MYBBP1A: variants seen among roughly 807,000 people sequenced by gnomAD.
MYBBP1A encodes MYB binding protein 1a.
Under a neutral mutation model 136.3 loss-of-function variants are expected in MYBBP1A, and 147 were observed. That is an observed-to-expected ratio of 1.08 (90% CI 0.94 to 1.24). The LOEUF (loss-of-function observed/expected upper bound fraction) is 1.24. Among genes scored for constraint, MYBBP1A ranks in the 50% most tolerant of loss-of-function variants. The pLI is 0.00. For synonymous variants in MYBBP1A, 947 were observed against 735.8 expected, an observed-to-expected ratio of 1.29 and a Z score of -4.65; for missense variants, 2,060 against 1,727.4, an observed-to-expected ratio of 1.19 and a Z score of -3.41.
intron 9 of MYBBP1A, among the ~76,000 whole-genome samples, 178 bp downstream of exon 9, chr17:4,549,880 C>T (rs1907349675): frequency 2.6e-5 from 4 of 151,984 alleles, no homozygotes; most frequent in African/African-American, 9.7e-5. Flanking sequence ...CCATCCCGAT[C>T]GCCAGTGTGG....
intron 2 of MYBBP1A, 92 bp downstream of exon 2, chr17:4,554,769 C>T (rs1172600114): frequency 1.4e-5 from 18 of 1,260,678 alleles, no homozygotes; most frequent in Non-Finnish European, 1.8e-5. Context: ...TCGGGCTGCC[C>T]CTCCGCCACA....
At position 4,545,104 on chromosome 17, in the gene MYBBP1A, C is replaced by T. The variant is rs1370026740; in HGVS notation, c.2232G>A (p.Glu744=). 2.5e-6 allele frequency: 4 copies of T among 1,603,536 alleles called. No individual in the cohort carries two copies. Among genetic ancestry groups the T allele is most frequent in the Non-Finnish European group, 3.4e-6 (4 of 1,175,338 alleles). Reference sequence around the variant, plus strand: ...CCACGTCCCCGTCGCGCTCCTCCTCCTCGCTCTCCTCCCCCTCGCTCTCCT... The same window carrying T: ...CCACGTCCCCGTCGCGCTCCTCCTCTTCGCTCTCCTCCCCCTCGCTCTCCT... The part of the protein sequence containing the change: ...SEEESEGEES[E]EEERDGDVDQ... Residue 744 remains glutamate, a synonymous_variant, in exon 17 of 26, where the codon GAG becomes GAA. Transcript: ENST00000254718.
rs767252345 is a variant in MYBBP1A, at chr17:4,555,358, T to A, written c.-34A>T. 2 of 1,568,226 alleles carry A rather than the reference T, an allele frequency of 1.3e-6. No individual in the cohort carries two copies. The highest frequency in any genetic ancestry group is 1.7e-6 in the Non-Finnish European group (2 of 1,156,776). On this transcript the variant is annotated 5_prime_UTR_variant, in exon 1 of 26. Transcript: ENST00000254718. ...CACTCACCGAAACACGAAACACGTGTGCTCCGGCCCCAGCCGCTTCCAGGT... is the reference window on the plus strand; with the variant it reads ...CACTCACCGAAACACGAAACACGTGAGCTCCGGCCCCAGCCGCTTCCAGGT...
intron 25 of MYBBP1A, 140 bp downstream of exon 25, chr17:4,540,208 G>T: frequency 1.6e-6 from 2 of 1,289,780 alleles, no homozygotes; most frequent in Non-Finnish European, 1.0e-6. Flanking sequence ...CTGAGAATGC[G>T]CTTGAGTGCA....
chr17:4,548,178 T>G lies in MYBBP1A; in HGVS notation c.1689A>C (p.Thr563=). ...LNHSHNVTTV[T]PFTAQQRQAW... is the part of the protein sequence containing the mutation. Reference sequence around the variant, plus strand: ...CCTGGCGCTGCTGCGCAGTGAAGGGTGTCACGGTGGTCACGTTGTGGCTGT... The same window carrying G: ...CCTGGCGCTGCTGCGCAGTGAAGGGGGTCACGGTGGTCACGTTGTGGCTGT... Residue 563 remains threonine (T), a synonymous_variant, in exon 12 of 26, where the codon ACA becomes ACC. Transcript: ENST00000254718. The surrounding 1 kb of genome is among the most constrained non-coding windows in gnomAD (Gnocchi z 4.2). The G allele has an allele frequency of 6.2e-7, 1 of 1,605,774 alleles. No individual in the cohort carries two copies. Among genetic ancestry groups the G allele is most frequent in the Non-Finnish European group, 8.5e-7 (1 of 1,179,974 alleles).
chr17:4,551,053 C>T (rs1364526055), intron 8 of MYBBP1A, among the ~76,000 whole-genome samples: 1 of 152,246 alleles, frequency 6.6e-6, no homozygotes, highest in African/African-American at 2.4e-5. Flanking sequence ...ATGATCATGG[C>T]TCACTGCAGC....
chr17:4,554,308 G>A, intron 2 of MYBBP1A, 30 bp from the exon 3 acceptor site: 1 of 1,600,204 alleles, frequency 6.2e-7, no homozygotes. Flanking sequence ...AGGAGGAAGA[G>A]GGTTCAGGAG....
chr17:4,545,644 T>G lies in MYBBP1A; in HGVS notation c.2039A>C (p.His680Pro). The change falls in exon 15 of 26, where the codon CAC becomes CCC. Residue 680 changes from histidine (H) to proline (P), a missense_variant. Physicochemically the swap from His to Pro is moderately conservative, Grantham distance 77. Transcript: ENST00000254718. ...TAGCTGCAGGGCACGCGGGGTCAGG[T>G]GGGAGCAGATGTGGCCAAACACGCT... ...ARSVFGHICS[H>P]LTPRALQLIL... 1 of 1,606,926 alleles carries G rather than the reference T, an allele frequency of 6.2e-7. No individual in the cohort carries two copies. The highest frequency in any genetic ancestry group is 8.5e-7 in the Non-Finnish European group (1 of 1,174,948).
Position 4,552,677 on chromosome 17 carries a change from G to A in MYBBP1A, c.562-51C>T. On this transcript the variant is annotated intron_variant, in intron 5 of 25. Transcript: ENST00000254718. This position sits in a 1 kb window ranked among gnomAD's most constrained non-coding sequence, Gnocchi z 4.7. ...TGACTTCCTCTGCGGGGTGAGCCTG[G>A]TGGATCCTGTTCTACCTGCTCCTGA... is the stretch of plus-strand genomic sequence containing the variant. 1 of 1,565,100 alleles carries A rather than the reference G, an allele frequency of 6.4e-7. No homozygotes were observed. The highest frequency in any genetic ancestry group is 8.7e-7 in the Non-Finnish European group (1 of 1,147,290).
chr17:4,539,845 G>A lies in MYBBP1A; in HGVS notation c.3557C>T (p.Ser1186Leu). The change falls in exon 26 of 26, where the codon TCA becomes TTA. Residue 1186 changes from serine (S) to leucine (L), a missense_variant. By Grantham distance (145) the Ser-to-Leu change is moderately radical. Transcript: ENST00000254718. ...PETKKRKKRK[S>L]EDGTPAEDGT... Reference sequence around the variant, plus strand: ...ATCCTCCGCTGGCGTGCCATCCTCTGACTTGCGTTTCTTGCGCTTCTTCGT... The same window carrying A: ...ATCCTCCGCTGGCGTGCCATCCTCTAACTTGCGTTTCTTGCGCTTCTTCGT... 12 of 1,609,108 alleles carry A rather than the reference G, an allele frequency of 7.5e-6. No individual in the cohort carries two copies. The highest frequency in any genetic ancestry group is 1.0e-5 in the Non-Finnish European group (12 of 1,179,990).
chr17:4,542,803 G>A (rs1389451734), intron 20 of MYBBP1A, 62 bp from the exon 21 acceptor site: 14 of 1,603,972 alleles, frequency 8.7e-6, no homozygotes, highest in South Asian at 1.1e-5. Context: ...TGGGAGCAGA[G>A]CCTGGCCTAC....
At chr17:4,545,435 CAGA>C in intron 15 of MYBBP1A, 90 bp from the exon 16 acceptor site, 1 of 1,561,368 alleles carries the variant, frequency 6.4e-7, no homozygotes, top group Non-Finnish European at 8.7e-7. Flanking sequence ...CTCCATTTCC[CAGA>C]AGAAAACGGA....
intron 25 of MYBBP1A, 81 bp downstream of exon 25, chr17:4,540,267 G>GC (rs1906274373): frequency 1.3e-6 from 2 of 1,486,494 alleles, no homozygotes; most frequent in East Asian, 2.3e-5. Context: ...AGCAGCGTGT[G>GC]TGCAGCGTGT....
chr17:4,553,810 C>G lies in MYBBP1A; in HGVS notation c.561G>C (p.Glu187Asp). The G allele has an allele frequency of 6.2e-7, 1 of 1,613,758 alleles. No individual in the cohort carries two copies. The highest frequency in any genetic ancestry group is 1.1e-5 in the South Asian group (1 of 91,068). Residue 187 changes from glutamate (E) to aspartate (D), a missense_variant and splice_region_variant, in exon 5 of 26, where the codon GAG (glutamate) becomes GAC (aspartate). Transcript: ENST00000254718. ...PRKALVDILSEVSKATLQEIL... is the reference protein window; with the variant it reads ...PRKALVDILSDVSKATLQEIL... ...GCCCGCACAGCTGGGGAGCTCATAC[C>G]TCGGAGAGGATGTCCACCAGGGCCT...
chr17:4,554,251 A>G lies in MYBBP1A; in HGVS notation c.322T>C (p.Leu108=). Reference sequence around the variant, plus strand: ...TGTATCTGCTGCAGGATGCTGCACAAGGGGAGGTCTTCAAAAGACTGTAAC... The same window carrying G: ...TGTATCTGCTGCAGGATGCTGCACAGGGGGAGGTCTTCAAAAGACTGTAAC... ...QLLQSFEDLP[L]CSILQQIQEK... is the part of the protein sequence containing the mutation. Residue 108 remains leucine, a synonymous_variant, in exon 3 of 26, where the codon TTG becomes CTG. Coordinates refer to ENST00000254718, the MANE Select transcript of MYBBP1A (RefSeq NM_014520.4). The G allele has an allele frequency of 6.2e-7, 1 of 1,614,028 alleles. No homozygotes were observed. The highest frequency in any genetic ancestry group is 8.5e-7 in the Non-Finnish European group (1 of 1,180,002).
chr17:4,552,665 G>A lies in MYBBP1A; in HGVS notation c.562-39C>T, dbSNP rs1422647738. 1.8e-5 allele frequency: 29 copies of A among 1,591,284 alleles called. No homozygotes were observed. Among genetic ancestry groups the A allele is most frequent in the Non-Finnish European group, 2.2e-5 (26 of 1,165,704 alleles). ...GAGAAGAAATCGTGACTTCCTCTGC[G>A]GGGTGAGCCTGGTGGATCCTGTTCT... On this transcript the variant is annotated intron_variant, in intron 5 of 25. Transcript: ENST00000254718. This position sits in a 1 kb window ranked among gnomAD's most constrained non-coding sequence, Gnocchi z 4.7.
chr17:4,549,192 A>G (rs927434790), intron 10 of MYBBP1A, 140 bp downstream of exon 10: 4 of 685,966 alleles, frequency 5.8e-6, no homozygotes, highest in African/African-American at 3.6e-5. Context: ...AGGAATTCCC[A>G]AGTCCCCTTG....
chr17:4,540,408 G>A lies in MYBBP1A; in HGVS notation c.3374C>T (p.Ser1125Phe). 8 of 1,610,838 alleles carry A rather than the reference G, an allele frequency of 5.0e-6. No individual in the cohort carries two copies. The highest frequency in any genetic ancestry group is 4.4e-5 in the South Asian group (4 of 91,038). ...GTCGTGCAGGCGGCTGGAGCCGGTG[G>A]AGTGTGCCCCCTGCTGTAGGCTCTG... ...QQQSLQQGAH[S>F]TGSSRLHDLY... Residue 1125 changes from serine (S) to phenylalanine (F), a missense_variant, in exon 25 of 26, where the codon TCC (serine) becomes TTC (phenylalanine). Ser to Phe is a radical substitution (Grantham distance 155, BLOSUM62 -2). Coordinates refer to ENST00000254718, the MANE Select transcript of MYBBP1A (RefSeq NM_014520.4).
intron 9 of MYBBP1A, among the ~76,000 whole-genome samples, chr17:4,549,770 A>T (rs1907335763): frequency 7.7e-6 from 1 of 129,292 alleles, no homozygotes; most frequent in South Asian, 2.7e-4. Flanking sequence ...TAGGCCACAG[A>T]GAGTGAGACT....
Sources: gnomAD v4.1 joint callset for allele counts (sites outside exome capture counted in the v4.1 genomes callset) on GRCh38, gnomAD v4.1.1 for gene constraint, Gnocchi (gnomAD v3.1) non-coding constraint, MANE v1.5 for transcripts, NCBI Gene and HGNC (gene_info 2026-07-23, HGNC 2026-07-21) for gene names.